The following PEX5L variants were observed in gnomAD, a reference collection of about 807,000 sequenced individuals.
PEX5L encodes the protein PEX5-related protein.
Under a neutral mutation model 84.0 loss-of-function variants are expected in PEX5L, and 30 were observed. The ratio of observed to expected loss-of-function variants is 0.36; its 90% CI spans 0.27 to 0.48. PEX5L has a LOEUF of 0.48. PEX5L is among the 20% of genes least tolerant of loss of function. The probability of loss-of-function intolerance (pLI) is 0.99; values close to 1 mark genes in which losing one functional copy is unlikely to be tolerated. For synonymous variants in PEX5L, 270 were observed against 283.1 expected (o/e 0.95, Z 0.46); for missense variants, 533 against 754.6 (o/e 0.71, Z 3.44).
chr3:179,860,172 A>G (rs753589306), intron 7 of PEX5L, among the ~76,000 whole-genome samples: 5 of 151,976 alleles, frequency 3.3e-5, no homozygotes, highest in African/African-American at 7.3e-5. Flanking sequence ...ATCCATGAGG[A>G]TAAGAATCTT....
chr3:179,997,500 A>G (rs1579283735), intron 1 of PEX5L, among the ~76,000 whole-genome samples: 1 of 152,200 alleles, frequency 6.6e-6, no homozygotes, highest in Non-Finnish European at 1.5e-5. Context: ...AATGGAAGCC[A>G]TTAGAGCTGC....
chr3:179,807,553 T>G, intron 14 of PEX5L, 121 bp downstream of exon 14: 1 of 894,672 alleles, frequency 1.1e-6, no homozygotes, highest in Non-Finnish European at 1.7e-6. Flanking sequence ...CATTCACCCT[T>G]AACGGCAGGA....
At chr3:180,003,114 A>G (rs1477028368) in intron 1 of PEX5L, among the ~76,000 whole-genome samples, 1 of 152,180 alleles carries the variant, frequency 6.6e-6, no homozygotes, top group African/African-American at 2.4e-5. Context: ...TCAGGTGAGG[A>G]TTTAGAGCCT....
intron 1 of PEX5L, 146 bp downstream of exon 1, chr3:180,036,433 C>T: frequency 1.2e-6 from 1 of 818,412 alleles, no homozygotes; most frequent in Non-Finnish European, 2.1e-6. Context: ...TTCCCGGCAG[C>T]ACCGGACAGA....
intron 2 of PEX5L, among the ~76,000 whole-genome samples, chr3:179,908,339 T>C (rs909459222): frequency 6.6e-6 from 1 of 152,108 alleles, no homozygotes; most frequent in African/African-American, 2.4e-5. Flanking sequence ...AAGTGGTCAG[T>C]GGAGGAGAAA....
At chr3:179,995,335 C>A (rs542295379) in intron 1 of PEX5L, among the ~76,000 whole-genome samples, 104 of 149,964 alleles carry the variant, frequency 6.9e-4, no homozygotes, top group African/African-American at 2.4e-3. Context: ...TCTAGAGGAA[C>A]AGAATATTAA....
Position 179,824,399 on chromosome 3 carries a change from T to C in PEX5L, c.823-4423A>G, listed in dbSNP as rs531494952. On this transcript the variant is annotated intron_variant, in intron 8 of 14. Transcript: ENST00000467460. ...CAAACCAAACCAATCCAAACAGCTC[T>C]GCCTATGCAGAAGAAAAGAAAGTAG... Among the ~76,000 whole-genome samples, 9 of 152,292 alleles carry C rather than the reference T, an allele frequency of 5.9e-5. No individual in the cohort carries two copies. In the East Asian group the frequency reaches 1.7e-3, roughly 29 times the overall value.
At chr3:179,900,188 C>A (rs1280950063) in intron 2 of PEX5L, among the ~76,000 whole-genome samples, 1 of 152,100 alleles carries the variant, frequency 6.6e-6, no homozygotes. Flanking sequence ...AATATTTTTG[C>A]AGCTTACGTT....
At chr3:180,002,283 T>C (rs1788494555) in intron 1 of PEX5L, among the ~76,000 whole-genome samples, 1 of 152,158 alleles carries the variant, frequency 6.6e-6, no homozygotes, top group South Asian at 2.1e-4. Context: ...GAAGAGTGTA[T>C]TTTTTATTTA....
chr3:179,959,334 T>A (rs1450330817), intron 2 of PEX5L, among the ~76,000 whole-genome samples: 1 of 152,092 alleles, frequency 6.6e-6, no homozygotes, highest in Non-Finnish European at 1.5e-5. Flanking sequence ...GTTCTTAGAG[T>A]TCTGAGGCTC....
chr3:179,954,220 A>T (rs1218551647), intron 2 of PEX5L, among the ~76,000 whole-genome samples: 2 of 148,916 alleles, frequency 1.3e-5, no homozygotes, highest in Non-Finnish European at 3.0e-5. Flanking sequence ...GGGGGGAAAA[A>T]GTCAGCCATG....
chr3:179,808,111 C>T (rs200361397), intron 13 of PEX5L, among the ~76,000 whole-genome samples, 161 bp downstream of exon 13: 3 of 152,128 alleles, frequency 2.0e-5, no homozygotes, highest in Non-Finnish European at 4.4e-5. Context: ...TCAGGTATTT[C>T]AATATTAACA....
intron 2 of PEX5L, among the ~76,000 whole-genome samples, chr3:179,923,223 A>G (rs145058295): frequency 0.022 from 3,234 of 146,684 alleles, 104 homozygotes; most frequent in African/African-American, 0.071. Context: ...CCCGGGAGGC[A>G]GAGCTTGCAG....
At chr3:179,863,588 A>G (rs1747019959) in intron 7 of PEX5L, among the ~76,000 whole-genome samples, 2 of 152,174 alleles carry the variant, frequency 1.3e-5, no homozygotes, top group Non-Finnish European at 2.9e-5. Context: ...AAAATATTCA[A>G]CATTACTAAT....
Position 179,896,697 on chromosome 3 carries a change from T to A in PEX5L, c.198+1445A>T, listed in dbSNP as rs138945160. Among the ~76,000 whole-genome samples, 466 of 152,208 alleles carry A rather than the reference T, an allele frequency of 3.1e-3. 4 individuals are homozygous for A. The highest frequency in any genetic ancestry group is 7.3e-3 in the South Asian group (35 of 4,814). On this transcript the variant is annotated intron_variant, in intron 3 of 14. Transcript: ENST00000467460. The stretch of plus-strand genomic sequence containing the variant: ...ATATGTTACAGTACAACTGTGCCAA[T>A]TGCAAATTTGGTTAGGTCTTATCTA...
intron 2 of PEX5L, among the ~76,000 whole-genome samples, chr3:179,970,974 T>C (rs1186287016): frequency 6.6e-6 from 1 of 152,196 alleles, no homozygotes; most frequent in Non-Finnish European, 1.5e-5. Flanking sequence ...TTCCATTACC[T>C]GGTATGTCAT....
At chr3:179,858,395 T>C (rs989343526) in intron 8 of PEX5L, among the ~76,000 whole-genome samples, 4 of 152,124 alleles carry the variant, frequency 2.6e-5, no homozygotes, top group African/African-American at 9.7e-5. Context: ...TCTGTTTATT[T>C]AGGTTTTTTT....
rs536442189 is a variant in PEX5L at position 179,884,969 on chromosome 3, A to AT, written c.310+2703dup. ...TCCAGAAGAGGTAAATATTTCCTAA[A>AT]TTTTTTTTATTTTGTATTGATTTAT... On this transcript the variant is annotated intron_variant, in intron 4 of 14. Transcript: ENST00000467460. Among the ~76,000 whole-genome samples, 941 of 151,726 alleles carry AT rather than the reference A, an allele frequency of 6.2e-3. 16 individuals carry two copies. The Middle Eastern group carries it at 0.11, about 17-fold the overall frequency.
At chr3:180,014,856 A>C (rs1789808767) in intron 1 of PEX5L, among the ~76,000 whole-genome samples, 1 of 152,158 alleles carries the variant, frequency 6.6e-6, no homozygotes, top group South Asian at 2.1e-4. Flanking sequence ...TCGATCTTGC[A>C]ATTGCAGCTA....
Sources: gnomAD v4.1 joint callset for allele counts (sites outside exome capture counted in the v4.1 genomes callset) on GRCh38, gnomAD v4.1.1 for gene constraint, MANE v1.5 for transcripts, NCBI Gene and HGNC (gene_info 2026-07-23, HGNC 2026-07-21) for gene names.